Variants in KY observed in about 807,000 individuals in gnomAD.
The protein encoded by KY is kyphoscoliosis peptidase.
A neutral mutation model predicts 76.1 loss-of-function variants in KY; 43 were observed. That is an observed-to-expected ratio of 0.57 (90% CI 0.44 to 0.73). KY has a LOEUF of 0.73. KY is among the 30% of genes least tolerant of loss of function. The pLI, the probability that KY is intolerant of heterozygous loss-of-function variation, is 0.00. For missense variants in KY, 722 were observed against 828.9 expected, an observed-to-expected ratio of 0.87 and a Z score of 1.58; for synonymous variants, 277 against 326.2, an observed-to-expected ratio of 0.85 and a Z score of 1.63.
At chr3:134,611,979 T>C (rs1369551525) in intron 8 of KY, among the ~76,000 whole-genome samples, 5 of 152,274 alleles carry the variant, frequency 3.3e-5, no homozygotes, top group Admixed American at 3.3e-4. Flanking sequence ...TCAAATGTGA[T>C]GTCCTGAGGG....
chr3:134,613,576 A>G (rs1314145541), intron 8 of KY, among the ~76,000 whole-genome samples: 1 of 152,218 alleles, frequency 6.6e-6, no homozygotes, highest in African/African-American at 2.4e-5. Flanking sequence ...TTGGCATTAA[A>G]TGATCTCCAG....
At chr3:134,629,727 C>A (rs1448026927) in intron 3 of KY, 32 bp from the exon 4 acceptor site, 3 of 1,406,768 alleles carry the variant, frequency 2.1e-6, no homozygotes, top group Middle Eastern at 1.7e-4. Context: ...CATTCTCAAC[C>A]AGATGCTGCC....
chr3:134,618,055 C>T (rs9836401), intron 8 of KY, among the ~76,000 whole-genome samples: 92,996 of 151,834 alleles, frequency 0.61, 29,118 homozygotes, highest in East Asian at 0.87. Flanking sequence ...CCTGACCCAC[C>T]GTGGCTGCGT....
At chr3:134,607,726 A>G (rs371402457) in intron 10 of KY, 3 of 985,668 alleles carry the variant, frequency 3.0e-6, no homozygotes, top group African/African-American at 1.7e-5. Context: ...CTCAGCTGCC[A>G]TGGCTCCGTG....
intron 10 of KY, chr3:134,608,131 C>T: frequency 8.8e-7 from 1 of 1,134,502 alleles, no homozygotes; most frequent in Non-Finnish European, 1.1e-6. Context: ...GGTTGGACCA[C>T]CAACACCCAG....
At chr3:134,631,331 C>A (rs763191864) in intron 3 of KY, among the ~76,000 whole-genome samples, 1 of 152,036 alleles carries the variant, frequency 6.6e-6, no homozygotes, top group Non-Finnish European at 1.5e-5. Flanking sequence ...CAGTGAAAAG[C>A]GATGTAAAGC....
At position 134,604,266 on chromosome 3, in the gene KY, G is replaced by A; in HGVS notation, c.1299C>T (p.Leu433=). The change falls in exon 11 of 11, where the codon CTC becomes CTT. Residue 433 remains leucine (L), a synonymous_variant. Transcript: ENST00000423778. The stretch of plus-strand genomic sequence containing the variant: ...CACCCATGTCCACATAATTGCACTT[G>A]AGCGTGTACTCCAGCACTGAGCTGT... ...DIYSSVLEYT[L]KCNYVDMGVQ... The A allele has an allele frequency of 2.5e-6, 4 of 1,613,996 alleles. No homozygotes were observed. Among genetic ancestry groups the A allele is most frequent in the Non-Finnish European group, 3.4e-6 (4 of 1,179,896 alleles).
intron 8 of KY, among the ~76,000 whole-genome samples, chr3:134,617,783 G>A (rs1004104608): frequency 2.6e-5 from 4 of 152,220 alleles, no homozygotes; most frequent in African/African-American, 9.6e-5. Flanking sequence ...GGAGCTCTGG[G>A]GAGAGGGAGC....
chr3:134,621,425 T>G (rs1330754371), intron 6 of KY, among the ~76,000 whole-genome samples: 1 of 152,234 alleles, frequency 6.6e-6, no homozygotes, highest in Non-Finnish European at 1.5e-5. Flanking sequence ...TATCTACGGT[T>G]AGTGGATCTT....
chr3:134,648,773 G>A (rs1227602915), intron 1 of KY, among the ~76,000 whole-genome samples: 2 of 152,126 alleles, frequency 1.3e-5, no homozygotes, highest in Non-Finnish European at 2.9e-5. Flanking sequence ...CACTCGTTAC[G>A]GATTACTCCA....
chr3:134,647,919 A>C (rs1966622045), intron 1 of KY, among the ~76,000 whole-genome samples: 1 of 152,200 alleles, frequency 6.6e-6, no homozygotes, highest in Admixed American at 6.5e-5. Context: ...CGTCAATCCC[A>C]ATGGGAATGG....
At chr3:134,648,562 G>A (rs1371617330) in intron 1 of KY, among the ~76,000 whole-genome samples, 1 of 152,212 alleles carries the variant, frequency 6.6e-6, no homozygotes, top group African/African-American at 2.4e-5. Context: ...TTTCAGGCAC[G>A]TTTTGGAGAA....
rs756349329 is a variant in KY at position 134,604,372 on chromosome 3, T to C, written c.1193A>G (p.Asn398Ser). The C allele has an allele frequency of 6.2e-7, 1 of 1,614,004 alleles. No individual in the cohort carries two copies. The part of the protein sequence containing the change: ...QEHGLLSLRK[N>S]GMKLEVYPPT... Reference sequence around the variant, plus strand: ...AGGGTACACCTCCAACTTCATCCCATTCTTCCTTAGGCTCAGCAGCCCATG... The same window carrying C: ...AGGGTACACCTCCAACTTCATCCCACTCTTCCTTAGGCTCAGCAGCCCATG... Residue 398 changes from asparagine to serine, a missense_variant, in exon 11 of 11, where the codon AAT becomes AGT. Physicochemically the swap from Asn to Ser is conservative, Grantham distance 46. Around this residue, in one of 2 missense-constraint regions of KY, gnomAD observed 552 missense variants for 680.9 expected, o/e 0.81. Coordinates refer to ENST00000423778, the MANE Select transcript of KY (RefSeq NM_178554.6).
At chr3:134,627,517 T>C (rs1963617759) in intron 5 of KY, among the ~76,000 whole-genome samples, 1 of 152,240 alleles carries the variant, frequency 6.6e-6, no homozygotes, top group African/African-American at 2.4e-5. Context: ...TGCCTTGTTA[T>C]TGGTGGGGTT....
chr3:134,642,099 A>G (rs1965834541), intron 3 of KY, among the ~76,000 whole-genome samples: 1 of 152,164 alleles, frequency 6.6e-6, no homozygotes, highest in East Asian at 1.9e-4. Flanking sequence ...ATTCTGGCTT[A>G]AAGGGACACT....
chr3:134,617,385 A>G (rs1422277530), intron 8 of KY, among the ~76,000 whole-genome samples: 1 of 152,112 alleles, frequency 6.6e-6, no homozygotes, highest in African/African-American at 2.4e-5. Flanking sequence ...ATATATGTCT[A>G]TTGAGGGCCT....
chr3:134,639,732 G>A (rs1361599302), intron 3 of KY: 1 of 151,550 alleles, frequency 6.6e-6, no homozygotes, highest in African/African-American at 2.4e-5. Flanking sequence ...GATTGCTTGA[G>A]CCCAGGGGTT....
In KY at chr3:134,645,001, C is replaced by T. The variant is rs550360858; in HGVS notation, c.200-1623G>A. On this transcript the variant is annotated intron_variant, in intron 2 of 10. Coordinates refer to ENST00000423778, the MANE Select transcript of KY (RefSeq NM_178554.6). ...TCTGCAGGCACAGCTGGCAGTGCCT[C>T]GGCTGGCTGAGGGAGGAAACAAGAT... Among the ~76,000 whole-genome samples, 4 of 152,320 alleles carry T rather than the reference C, an allele frequency of 2.6e-5. No individual in the cohort carries two copies. The East Asian group carries it at 5.8e-4, about 22-fold the overall frequency.
rs763339668 is a variant in KY at position 134,627,783 on chromosome 3, G to A, written c.373C>T (p.Arg125Trp). Residue 125 changes from arginine to tryptophan, a missense_variant, in exon 5 of 11, where the codon CGG becomes TGG. Arg to Trp is a moderately radical substitution (Grantham distance 101). Transcript: ENST00000423778. ...TGGGCATCTTTCCCTCCAGGTTGCC[G>A]GGGTCTTGTGTTTCCATTTTTATCA... is the stretch of plus-strand genomic sequence containing the variant. ...QGDKNGNTRP[R>W]QPGGKDAHAY... is the part of the protein sequence containing the mutation. 30 of 1,613,712 alleles carry A rather than the reference G, an allele frequency of 1.9e-5. No homozygotes were observed. The highest frequency in any genetic ancestry group is 1.7e-4 in the Admixed American group (10 of 60,004).
Sources: allele counts gnomAD v4.1 joint callset (sites outside exome capture counted in the v4.1 genomes callset), GRCh38; gene constraint gnomAD v4.1.1; regional missense constraint gnomAD v4.1.1; transcripts MANE v1.5; gene names NCBI Gene and HGNC (gene_info 2026-07-23, HGNC 2026-07-21).